GPR39: variants seen among roughly 807,000 people sequenced by gnomAD.
GPR39 encodes the protein G protein-coupled receptor 39.
GPR39 carries 23 observed loss-of-function variants against 18.4 expected under a neutral mutation model. The ratio of observed to expected loss-of-function variants is 1.25; its 90% CI spans 0.90 to 1.77. The LOEUF is 1.77. GPR39 is among the 40% of genes most tolerant of loss of function. The probability of loss-of-function intolerance (pLI) is 0.00; values close to 1 mark genes in which losing one functional copy is unlikely to be tolerated. For missense variants in GPR39, 647 were observed against 602.4 expected (o/e 1.07, Z -0.78); for synonymous variants, 280 against 257.9 (o/e 1.09, Z -0.82).
chr2:132,446,339 T>C (rs1473157635), intron 1 of GPR39, among the ~76,000 whole-genome samples: 1 of 152,122 alleles, frequency 6.6e-6, no homozygotes, highest in Non-Finnish European at 1.5e-5. Flanking sequence ...TTTCTTCTGG[T>C]GTAATGAGAA....
At chr2:132,492,558 TATACG>T (rs1558814392) in intron 1 of GPR39, among the ~76,000 whole-genome samples, 3 of 138,942 alleles carry the variant, frequency 2.2e-5, no homozygotes, top group Non-Finnish European at 3.1e-5. Flanking sequence ...ATACACCATA[TATACG>T]ATATATACCA....
chr2:132,581,318 A>G (rs1335063164), intron 1 of GPR39, among the ~76,000 whole-genome samples: 1 of 146,640 alleles, frequency 6.8e-6, no homozygotes, highest in African/African-American at 2.5e-5. Flanking sequence ...TCACAGGGCT[A>G]TGGGGGAACG....
intron 1 of GPR39, among the ~76,000 whole-genome samples, chr2:132,637,355 G>A (rs952738837): frequency 3.9e-5 from 6 of 152,246 alleles, no homozygotes; most frequent in African/African-American, 1.4e-4. Flanking sequence ...TCTGGCTTCT[G>A]TGGCACATTT....
intron 1 of GPR39, among the ~76,000 whole-genome samples, chr2:132,626,078 C>T (rs539001377): frequency 9.0e-4 from 134 of 149,082 alleles, no homozygotes; most frequent in African/African-American, 2.7e-3. Context: ...CCAGCCTGGG[C>T]GACAGAGCGA....
chr2:132,449,349 G>A (rs1003707814), intron 1 of GPR39, among the ~76,000 whole-genome samples: 2 of 152,094 alleles, frequency 1.3e-5, no homozygotes, highest in African/African-American at 4.8e-5. Context: ...AAGGTTCAAG[G>A]GATTCTCCAG....
chr2:132,450,084 C>T (rs1277720738), intron 1 of GPR39, among the ~76,000 whole-genome samples: 2 of 152,186 alleles, frequency 1.3e-5, no homozygotes, highest in Non-Finnish European at 2.9e-5. Flanking sequence ...TTTCCCTTGC[C>T]CTTTGTCTGT....
intron 1 of GPR39, among the ~76,000 whole-genome samples, chr2:132,419,483 T>G (rs1376331238): frequency 6.6e-6 from 1 of 152,252 alleles, no homozygotes; most frequent in African/African-American, 2.4e-5. Flanking sequence ...CCTGGTGGTG[T>G]TGCTGCCTCT....
At chr2:132,460,097 A>C (rs1680804399) in intron 1 of GPR39, among the ~76,000 whole-genome samples, 1 of 152,212 alleles carries the variant, frequency 6.6e-6, no homozygotes, top group African/African-American at 2.4e-5. Context: ...TTGAAAAACA[A>C]ACAAATGAAA....
intron 1 of GPR39, among the ~76,000 whole-genome samples, chr2:132,462,210 G>A (rs953692824): frequency 2.0e-5 from 3 of 152,186 alleles, no homozygotes; most frequent in Non-Finnish European, 4.4e-5. Context: ...ACACCATGTT[G>A]CATGCAGGGC....
At chr2:132,629,135 A>C (rs1324162531) in intron 1 of GPR39, among the ~76,000 whole-genome samples, 1 of 152,226 alleles carries the variant, frequency 6.6e-6, no homozygotes, top group Non-Finnish European at 1.5e-5. Flanking sequence ...ATTGGAAAAA[A>C]GCTGGAGCAC....
intron 1 of GPR39, among the ~76,000 whole-genome samples, chr2:132,549,394 A>T (rs1255669811): frequency 6.6e-6 from 1 of 152,172 alleles, no homozygotes; most frequent in African/African-American, 2.4e-5. Flanking sequence ...TTTCCTTCAG[A>T]GTCCCAGTGT....
chr2:132,529,166 C>A (rs929760777), intron 1 of GPR39, among the ~76,000 whole-genome samples: 1 of 152,176 alleles, frequency 6.6e-6, no homozygotes, highest in African/African-American at 2.4e-5. Context: ...CCTAATACTG[C>A]GCTTTTCCAA....
At chr2:132,528,995 C>A (rs996428092) in intron 1 of GPR39, among the ~76,000 whole-genome samples, 19 of 152,174 alleles carry the variant, frequency 1.2e-4, no homozygotes, top group African/African-American at 4.3e-4. Flanking sequence ...AGGTTCATCT[C>A]ACTGGGGAGT....
At chr2:132,492,560 T>TACAC (rs1456888851) in intron 1 of GPR39, among the ~76,000 whole-genome samples, 2 of 138,836 alleles carry the variant, frequency 1.4e-5, no homozygotes, top group African/African-American at 5.3e-5. Context: ...ACACCATATA[T>TACAC]ACGATATATA....
rs149910026 is a variant in GPR39 at position 132,493,434 on chromosome 2, C to T, written c.856+75536C>T. On this transcript the variant is annotated intron_variant, in intron 1 of 1. Transcript: ENST00000329321. ...ACTATATATACACACGCCATATATA[C>T]ACACACCATATATATACACACCATA... Among the ~76,000 whole-genome samples the T allele has an allele frequency of 2.5e-3, 361 of 144,778 alleles. 1 individual carries two copies. Among genetic ancestry groups the T allele is most frequent in the Non-Finnish European group, 4.5e-3 (301 of 66,726 alleles). The allele number at this position is 144,778 out of a possible 152,430, so 95.0% of individuals were successfully genotyped here. A position where few individuals can be genotyped will look rare whatever the true frequency, so the allele number is the denominator to read the frequency against.
At chr2:132,532,413 G>A (rs1297769257) in intron 1 of GPR39, among the ~76,000 whole-genome samples, 1 of 152,076 alleles carries the variant, frequency 6.6e-6, no homozygotes, top group Non-Finnish European at 1.5e-5. Flanking sequence ...TTCTACCAGA[G>A]GTACAAGGAG....
chr2:132,429,875 T>C (rs897818315), intron 1 of GPR39, among the ~76,000 whole-genome samples: 1 of 152,172 alleles, frequency 6.6e-6, no homozygotes, highest in Non-Finnish European at 1.5e-5. Context: ...AAGTAGGTAA[T>C]AGAATGATTG....
rs56271366 is a variant in GPR39, at chr2:132,602,871, G to GAAA, written c.857-42218_857-42216dup. Among the ~76,000 whole-genome samples, 1,110 of 137,934 alleles carry GAAA rather than the reference G, an allele frequency of 8.0e-3. 15 individuals carry two copies. The highest frequency in any genetic ancestry group is 0.019 in the African/African-American group (715 of 36,890). The allele number at this position is 137,934 out of a possible 152,430, so 90.5% of individuals were successfully genotyped here. On this transcript the variant is annotated intron_variant, in intron 1 of 1. Transcript: ENST00000329321. Reference sequence around the variant, plus strand: ...TTTAGCCTAGAATGGCTTAAAAAGAGAAAAAAAAAAAAAACAAATGCTAGT... The same window carrying GAAA: ...TTTAGCCTAGAATGGCTTAAAAAGAGAAAAAAAAAAAAAAAAACAAATGCTAGT...
intron 1 of GPR39, among the ~76,000 whole-genome samples, chr2:132,450,333 C>T (rs769898475): frequency 6.6e-6 from 1 of 152,248 alleles, no homozygotes; most frequent in Non-Finnish European, 1.5e-5. Flanking sequence ...CAGCTCCTCT[C>T]CTGGCTGTGC....
Sources: allele counts gnomAD v4.1 joint callset (sites outside exome capture counted in the v4.1 genomes callset), GRCh38; gene constraint gnomAD v4.1.1; transcripts MANE v1.5; gene names NCBI Gene and HGNC (gene_info 2026-07-23, HGNC 2026-07-21).